TADA2B: variants seen among roughly 807,000 people sequenced by gnomAD.
TADA2B encodes transcriptional adapter 2-beta.
In TADA2B, 13 loss-of-function variants were observed where a neutral mutation model predicts 34.5. That is an observed-to-expected ratio of 0.38 (90% CI 0.25 to 0.60). The LOEUF (loss-of-function observed/expected upper bound fraction) is 0.60. TADA2B is among the 20% of genes least tolerant of loss of function. The pLI is 0.65. For missense variants in TADA2B, 442 were observed against 575.0 expected (o/e 0.77, Z 2.37); for synonymous variants, 240 against 243.4 (o/e 0.99, Z 0.13).
rs775464029 is a variant in TADA2B, at chr4:7,054,802, C to T, written c.1011C>T (p.Ser337=). The change falls in exon 2 of 2, where the codon AGC becomes AGT. Residue 337 remains serine (S), a synonymous_variant. Transcript: ENST00000310074. The part of the protein sequence containing the change: ...SKRGKEDGKD[S]EFAAIENLPG... ...GGGGAAAGGAGGACGGCAAAGACAG[C>T]GAGTTCGCCGCCATTGAGAACCTTC... is the stretch of plus-strand genomic sequence containing the variant. 4.3e-6 allele frequency: 7 copies of T among 1,613,774 alleles called. No individual in the cohort carries two copies. Among genetic ancestry groups the T allele is most frequent in the Admixed American group, 1.7e-5 (1 of 59,996 alleles).
chr4:7,056,681 G>T lies in TADA2B; in HGVS notation c.*1627G>T, dbSNP rs1432658600. On this transcript the variant is annotated 3_prime_UTR_variant, in exon 2 of 2. Coordinates refer to ENST00000310074, the MANE Select transcript of TADA2B (RefSeq NM_152293.3). The stretch of plus-strand genomic sequence containing the variant: ...GTAAACTATACTGCATGCTGACAGA[G>T]AAGCGCTCTTTTAGCTAAGCCCAGA... 2 of 152,204 alleles carry T rather than the reference G, an allele frequency of 1.3e-5. No homozygotes were observed. The highest frequency in any genetic ancestry group is 4.8e-5 in the African/African-American group (2 of 41,450). 9.4% of individuals were successfully genotyped at this position (152,204 alleles called of 1,614,324 possible). A position where few individuals can be genotyped will look rare whatever the true frequency, so the allele number is the denominator to read the frequency against.
intron 1 of TADA2B, among the ~76,000 whole-genome samples, chr4:7,051,852 C>T (rs59391324): frequency 0.012 from 1,814 of 152,346 alleles, 39 homozygotes; most frequent in African/African-American, 0.04. Flanking sequence ...CTGCCTCGGC[C>T]TCCCAAAGTG....
At position 7,054,551 on chromosome 4, in the gene TADA2B, G is replaced by C. The variant is rs778684378; in HGVS notation, c.760G>C (p.Glu254Gln). Residue 254 changes from glutamate (E) to glutamine (Q), a missense_variant, in exon 2 of 2, where the codon GAG (glutamate) becomes CAG (glutamine). This residue lies in a region of TADA2B where 222 missense variants were observed against 235.2 expected (regional missense o/e 0.94). Coordinates refer to ENST00000310074, the MANE Select transcript of TADA2B (RefSeq NM_152293.3). ...GCGCAAGATCACCAAGGAGGAGAAG[G>C]AGCTGCGCCTGAAGCTGAGGCCGCT... Reference protein sequence around the residue: ...LKRKITKEEKELRLKLRPLYQ... With the variant: ...LKRKITKEEKQLRLKLRPLYQ... The C allele has an allele frequency of 6.2e-7, 1 of 1,613,932 alleles. No homozygotes were observed. The highest frequency in any genetic ancestry group is 8.5e-7 in the Non-Finnish European group (1 of 1,179,902).
intron 1 of TADA2B, 48 bp downstream of exon 1, chr4:7,043,897 C>G: frequency 7.0e-7 from 1 of 1,435,048 alleles, no homozygotes; most frequent in Non-Finnish European, 9.1e-7. Flanking sequence ...ACTGGAAGGC[C>G]CGCGCCTCTC....
chr4:7,053,882 A>G, intron 1 of TADA2B, 180 bp from the exon 2 acceptor site: 1 of 641,400 alleles, frequency 1.6e-6, no homozygotes, highest in Non-Finnish European at 2.6e-6. Flanking sequence ...CAACATTGTC[A>G]TCTCTCCCCT....
In TADA2B at chr4:7,054,487, C is replaced by T; in HGVS notation, c.696C>T (p.Phe232=). The T allele has an allele frequency of 6.2e-7, 1 of 1,613,708 alleles. No individual in the cohort carries two copies. Among genetic ancestry groups the T allele is most frequent in the Non-Finnish European group, 8.5e-7 (1 of 1,179,896 alleles). The change falls in exon 2 of 2, where the codon TTC becomes TTT. Residue 232 remains phenylalanine, a synonymous_variant. Coordinates refer to ENST00000310074, the MANE Select transcript of TADA2B (RefSeq NM_152293.3). ...GTGACTACAATCTGGTGCCAGCCTT[C>T]CTGGGGAAGGACAAGAAGGAGAAGG... ...IARDYNLVPA[F]LGKDKKEKEK... is the part of the protein sequence containing the mutation.
At chr4:7,052,125 C>T (rs1443600551) in intron 1 of TADA2B, among the ~76,000 whole-genome samples, 1 of 152,204 alleles carries the variant, frequency 6.6e-6, no homozygotes, top group Non-Finnish European at 1.5e-5. Flanking sequence ...TGGAAACTGG[C>T]CTCTTGAGTC....
chr4:7,050,518 C>T (rs1445723952), intron 1 of TADA2B, among the ~76,000 whole-genome samples: 4 of 152,240 alleles, frequency 2.6e-5, no homozygotes, highest in African/African-American at 9.6e-5. Context: ...CAGCTTGTGG[C>T]CGGGATGAGC....
In TADA2B at chr4:7,055,280, T is replaced by TCATA. The variant is rs1336256109; in HGVS notation, c.*229_*232dup. 1.8e-6 allele frequency: 1 copy of TCATA among 544,162 alleles called. No homozygotes were observed. The highest frequency in any genetic ancestry group is 1.9e-5 in the African/African-American group (1 of 52,762). The allele number at this position is 544,162 out of a possible 1,614,324, so 33.7% of individuals were successfully genotyped here. A position where few individuals can be genotyped will look rare whatever the true frequency, so the allele number is the denominator to read the frequency against. On this transcript the variant is annotated 3_prime_UTR_variant, in exon 2 of 2. Coordinates refer to ENST00000310074, the MANE Select transcript of TADA2B (RefSeq NM_152293.3). ...TGTATTTTAAGTGAGTTCCTGCGAG[T>TCATA]CATACACTGCGATGATGCTCCGCCT...
At chr4:7,045,781 ACT>A (rs1481337709) in intron 1 of TADA2B, 2 of 152,156 alleles carry the variant, frequency 1.3e-5, no homozygotes, top group South Asian at 4.1e-4. Flanking sequence ...CAGAGCCTGT[ACT>A]CTTAACTTCA....
chr4:7,055,057 C>G lies in TADA2B; in HGVS notation c.*3C>G. ...GGATCTCCAGGGACGCGTCTTGAAG[C>G]TGAGACGCTTTGAAAGCCAGGGTGA... On this transcript the variant is annotated 3_prime_UTR_variant, in exon 2 of 2. Transcript: ENST00000310074. The G allele has an allele frequency of 6.2e-7, 1 of 1,600,422 alleles. No homozygotes were observed. The highest frequency in any genetic ancestry group is 8.5e-7 in the Non-Finnish European group (1 of 1,174,428).
In TADA2B at chr4:7,043,515, G is replaced by GGGCGCTGACGGCCGGGGGCGC; in HGVS notation, c.-60_-40dup. The GGGCGCTGACGGCCGGGGGCGC allele has an allele frequency of 1.0e-6, 1 of 964,972 alleles. No homozygotes were observed. Among genetic ancestry groups the GGGCGCTGACGGCCGGGGGCGC allele is most frequent in the Non-Finnish European group, 1.2e-6 (1 of 812,254 alleles). The allele number at this position is 964,972 out of a possible 1,614,324, so 59.8% of individuals were successfully genotyped here. A position where few individuals can be genotyped will look rare whatever the true frequency, so the allele number is the denominator to read the frequency against. On this transcript the variant is annotated 5_prime_UTR_variant, in exon 1 of 2. Coordinates refer to ENST00000310074, the MANE Select transcript of TADA2B (RefSeq NM_152293.3). ...GCGGCGGCGGGTCCCGCGGGCGGCG[G>GGGCGCTGACGGCCGGGGGCGC]GGCGCTGACGGCCGGGGGCGCGGCG...
At chr4:7,047,074 G>T (rs896673294) in intron 1 of TADA2B, among the ~76,000 whole-genome samples, 15 of 152,156 alleles carry the variant, frequency 9.9e-5, no homozygotes, top group African/African-American at 3.4e-4. Context: ...AGATTAGCGG[G>T]GTCTGGCGTC....
intron 1 of TADA2B, among the ~76,000 whole-genome samples, chr4:7,051,388 G>T (rs1353913545): frequency 6.6e-6 from 1 of 152,180 alleles, no homozygotes; most frequent in Non-Finnish European, 1.5e-5. Context: ...GGTGGGCGCT[G>T]CCAGGCCTCC....
Position 7,057,905 on chromosome 4 carries a change from C to G in TADA2B, c.*2851C>G, listed in dbSNP as rs1009628020. On this transcript the variant is annotated 3_prime_UTR_variant, in exon 2 of 2. Transcript: ENST00000310074. ...AATGTATTAAAAACAGCAACCCTGC[C>G]TACCGTTTTGATGACCTTTTTCCAT... 6.6e-6 allele frequency: 1 copy of G among 151,896 alleles called. No homozygotes were observed. The highest frequency in any genetic ancestry group is 1.5e-5 in the Non-Finnish European group (1 of 68,008). 9.4% of individuals were successfully genotyped at this position (151,896 alleles called of 1,614,324 possible).
chr4:7,044,351 A>C (rs1298105847), intron 1 of TADA2B, among the ~76,000 whole-genome samples: 1 of 152,170 alleles, frequency 6.6e-6, no homozygotes, highest in Non-Finnish European at 1.5e-5. Context: ...CAGTGCACAG[A>C]GTCTTTTGTG....
intron 1 of TADA2B, among the ~76,000 whole-genome samples, chr4:7,051,743 G>A (rs1040137142): frequency 8.6e-5 from 13 of 152,038 alleles, no homozygotes; most frequent in African/African-American, 2.4e-4. Flanking sequence ...GACTACAGGC[G>A]CCCGCCACCA....
rs1470095694 is a variant in TADA2B at position 7,054,093 on chromosome 4, G to A, written c.302G>A (p.Arg101Gln). 1 of 1,594,218 alleles carries A rather than the reference G, an allele frequency of 6.3e-7. No individual in the cohort carries two copies. Among genetic ancestry groups the A allele is most frequent in the East Asian group, 2.3e-5 (1 of 44,188 alleles). ...ATGGCTGCCCACGTTGGTGCTTCCC[G>A]GACTCCCCAAGAGGTGATGGAGCAT... The part of the protein sequence containing the change: ...EDMAAHVGAS[R>Q]TPQEVMEHYV... Residue 101 changes from arginine (R) to glutamine (Q), a missense_variant, in exon 2 of 2, where the codon CGG (arginine) becomes CAG (glutamine). Arg to Gln is a conservative substitution (Grantham distance 43). Coordinates refer to ENST00000310074, the MANE Select transcript of TADA2B (RefSeq NM_152293.3).
rs770285671 is a variant in TADA2B, at chr4:7,054,045, G to T, written c.271-17G>T. 1.3e-6 allele frequency: 2 copies of T among 1,548,700 alleles called. No individual in the cohort carries two copies. The highest frequency in any genetic ancestry group is 1.7e-6 in the Non-Finnish European group (2 of 1,143,246). On this transcript the variant is annotated splice_polypyrimidine_tract_variant and intron_variant, in intron 1 of 1. Coordinates refer to ENST00000310074, the MANE Select transcript of TADA2B (RefSeq NM_152293.3). ...CACCCTGATGGTGGAACTAACTTCT[G>T]CCCTTTGTCATCGTAGGAAGATATG...
Sources: gnomAD v4.1 joint callset for allele counts (sites outside exome capture counted in the v4.1 genomes callset) on GRCh38, gnomAD v4.1.1 for gene constraint, gnomAD v4.1.1 regional missense constraint, MANE v1.5 for transcripts, NCBI Gene and HGNC (gene_info 2026-07-23, HGNC 2026-07-21) for gene names.